Variants in ANXA13 observed in about 807,000 individuals in gnomAD.
ANXA13 encodes the protein annexin A13, also known as annexin XIII.
In ANXA13, 36 loss-of-function variants were observed where a neutral mutation model predicts 46.6. The ratio of observed to expected loss-of-function variants is 0.77; its 90% CI spans 0.59 to 1.02. ANXA13 has a LOEUF of 1.02. ANXA13 is among the 50% of genes least tolerant of loss of function. The pLI, the probability that ANXA13 is intolerant of heterozygous loss-of-function variation, is 0.00. For synonymous variants in ANXA13, 163 were observed against 152.9 expected, an observed-to-expected ratio of 1.07 and a Z score of -0.49; for missense variants, 417 against 396.5, an observed-to-expected ratio of 1.05 and a Z score of -0.44.
chr8:123,722,450 C>A (rs906485360), intron 1 of ANXA13, among the ~76,000 whole-genome samples: 5 of 152,026 alleles, frequency 3.3e-5, no homozygotes, highest in African/African-American at 9.7e-5. Context: ...CTAGATGAGA[C>A]CTGAGACTTG....
intron 9 of ANXA13, among the ~76,000 whole-genome samples, chr8:123,686,640 C>T (rs1177999597): frequency 1.3e-5 from 2 of 152,082 alleles, no homozygotes; most frequent in African/African-American, 4.8e-5. Context: ...TTCCCAGGCT[C>T]CCTTCCTGGA....
chr8:123,699,146 T>C (rs1813398736), intron 3 of ANXA13, among the ~76,000 whole-genome samples: 1 of 152,180 alleles, frequency 6.6e-6, no homozygotes, highest in South Asian at 2.1e-4. Flanking sequence ...AATGCAGGTA[T>C]GTAGAAGGGG....
chr8:123,706,403 C>T (rs1466049361), intron 2 of ANXA13, among the ~76,000 whole-genome samples: 3 of 152,214 alleles, frequency 2.0e-5, no homozygotes, highest in Non-Finnish European at 4.4e-5. Context: ...GTGCCAAGCC[C>T]GGAAGGAGCC....
At chr8:123,682,355 C>T (rs567847672) in intron 10 of ANXA13, among the ~76,000 whole-genome samples, 6 of 152,310 alleles carry the variant, frequency 3.9e-5, no homozygotes, top group African/African-American at 1.2e-4. Context: ...GATACTTGTA[C>T]CAGAAAAGAT....
intron 1 of ANXA13, among the ~76,000 whole-genome samples, chr8:123,720,435 C>A (rs957049275): frequency 6.6e-6 from 1 of 151,982 alleles, no homozygotes; most frequent in Non-Finnish European, 1.5e-5. Flanking sequence ...TGGCACCTTG[C>A]GCCAATATTG....
At chr8:123,729,844 CAACA>C (rs776794688) in intron 1 of ANXA13, among the ~76,000 whole-genome samples, 49 of 151,620 alleles carry the variant, frequency 3.2e-4, no homozygotes, top group Non-Finnish European at 6.6e-4. Flanking sequence ...ACTAATTGTC[CAACA>C]AACAAACAAA....
Position 123,695,747 on chromosome 8 carries a change from T to G in ANXA13, c.358-26A>C, listed in dbSNP as rs754032490. On this transcript the variant is annotated intron_variant, in intron 4 of 10. Coordinates refer to ENST00000419625, the MANE Select transcript of ANXA13 (RefSeq NM_004306.4). Reference sequence around the variant, plus strand: ...CTAGGGAAGGTAATTTACAAAAAAATCAATATTCCAAGGAGGGATTAATCA... The same window carrying G: ...CTAGGGAAGGTAATTTACAAAAAAAGCAATATTCCAAGGAGGGATTAATCA... The G allele has an allele frequency of 5.0e-6, 8 of 1,596,800 alleles. No individual in the cohort carries two copies. The East Asian group carries it at 1.8e-4, about 36-fold the overall frequency.
chr8:123,707,394 T>C (rs1020440464), intron 2 of ANXA13, among the ~76,000 whole-genome samples: 1 of 152,062 alleles, frequency 6.6e-6, no homozygotes, highest in Non-Finnish European at 1.5e-5. Context: ...AAAATAATAG[T>C]GATCTTTAGA....
At chr8:123,727,513 C>A (rs1183382801) in intron 1 of ANXA13, among the ~76,000 whole-genome samples, 1 of 151,816 alleles carries the variant, frequency 6.6e-6, no homozygotes, top group Admixed American at 6.6e-5. Context: ...TCCCAGGAGA[C>A]AATTGGCAAT....
At chr8:123,685,662 T>C (rs1813126558) in intron 9 of ANXA13, among the ~76,000 whole-genome samples, 1 of 152,172 alleles carries the variant, frequency 6.6e-6, no homozygotes, top group South Asian at 2.1e-4. Flanking sequence ...GATTGATGCT[T>C]ATAAGCAGGG....
intron 1 of ANXA13, among the ~76,000 whole-genome samples, chr8:123,714,524 C>T (rs375971046): frequency 6.6e-6 from 1 of 152,270 alleles, no homozygotes. Flanking sequence ...CTTGGGCTTC[C>T]CCGTTTCATT....
intron 10 of ANXA13, 63 bp downstream of exon 10, chr8:123,684,547 T>G: frequency 2.8e-5 from 31 of 1,116,658 alleles, no homozygotes; most frequent in Non-Finnish European, 4.1e-5. Context: ...TATTTGTTGA[T>G]GACATCAGTG....
intron 2 of ANXA13, among the ~76,000 whole-genome samples, chr8:123,703,104 C>A (rs1813475613): frequency 6.6e-6 from 1 of 152,084 alleles, no homozygotes; most frequent in African/African-American, 2.4e-5. Context: ...GGAAGCAGCC[C>A]CAGTGTTCAT....
intron 4 of ANXA13, among the ~76,000 whole-genome samples, chr8:123,696,591 G>A (rs1000269342): frequency 1.3e-5 from 2 of 152,072 alleles, no homozygotes; most frequent in Non-Finnish European, 2.9e-5. Flanking sequence ...TAAAATGAAA[G>A]TCAGTAGGTG....
rs774274184 is a variant in ANXA13, at chr8:123,693,215, G to T, written c.624C>A (p.Thr208=). The change falls in exon 8 of 11, where the codon ACC becomes ACA. Residue 208 remains threonine, a synonymous_variant. Transcript: ENST00000419625. ...AKRSYKQLRA[T]FQAYQILIGK... is the part of the protein sequence containing the mutation. ...GACTTACAATTTGATAGGCTTGAAA[G>T]GTGGCTCGTAACTGCTTGTAGCTCC... 9 of 1,614,138 alleles carry T rather than the reference G, an allele frequency of 5.6e-6. No individual in the cohort carries two copies. The East Asian group carries it at 2.0e-4, about 36-fold the overall frequency.
At chr8:123,707,741 T>C (rs1300732109) in intron 2 of ANXA13, among the ~76,000 whole-genome samples, 2 of 152,090 alleles carry the variant, frequency 1.3e-5, no homozygotes, top group Non-Finnish European at 2.9e-5. Context: ...AAATACCTAA[T>C]GTAGATAACG....
intron 4 of ANXA13, among the ~76,000 whole-genome samples, chr8:123,696,679 A>G (rs1039326120): frequency 1.3e-5 from 2 of 152,118 alleles, no homozygotes; most frequent in African/African-American, 4.8e-5. Context: ...AGGGCAGGCT[A>G]GGTGCTGGGG....
chr8:123,709,036 C>T (rs566028879), intron 2 of ANXA13, among the ~76,000 whole-genome samples: 5 of 152,354 alleles, frequency 3.3e-5, no homozygotes, highest in East Asian at 1.9e-4. Context: ...GTCATGTTCA[C>T]GGGTTCTGGG....
chr8:123,685,873 G>C (rs1160458650), intron 9 of ANXA13, among the ~76,000 whole-genome samples: 1 of 152,186 alleles, frequency 6.6e-6, no homozygotes, highest in Admixed American at 6.5e-5. Flanking sequence ...CTGGGGAGTA[G>C]CATATTCAAG....
Sources: allele counts gnomAD v4.1 joint callset (sites outside exome capture counted in the v4.1 genomes callset), GRCh38; gene constraint gnomAD v4.1.1; transcripts MANE v1.5; gene names NCBI Gene and HGNC (gene_info 2026-07-23, HGNC 2026-07-21).